TCF20: variants seen among roughly 807,000 people sequenced by gnomAD.
The protein encoded by TCF20 is SPRE-binding protein.
In TCF20, 3 loss-of-function variants were observed where a neutral mutation model predicts 148.6. That is an observed-to-expected ratio of 0.02 (90% CI 0.01 to 0.05). The LOEUF (loss-of-function observed/expected upper bound fraction) is 0.05, where lower values mean the gene tolerates loss of function less well. Among genes scored for constraint, TCF20 ranks in the 10% least tolerant of loss-of-function variants. The probability of loss-of-function intolerance (pLI) is 1.00; values close to 1 mark genes in which losing one functional copy is unlikely to be tolerated. For missense variants in TCF20, 2,350 were observed against 2,429.3 expected, an observed-to-expected ratio of 0.97 and a Z score of 0.69; for synonymous variants, 1,049 against 909.5, an observed-to-expected ratio of 1.15 and a Z score of -2.76.
In TCF20 at chr22:42,160,184, C is replaced by CT. The variant is rs1179626398; in HGVS notation, c.*1218dup. 2.0e-5 allele frequency: 3 copies of CT among 152,408 alleles called. No individual in the cohort carries two copies. The highest frequency in any genetic ancestry group is 4.2e-4 in the South Asian group (2 of 4,812). The allele number at this position is 152,408 out of a possible 1,614,324, so 9.4% of individuals were successfully genotyped here. A position where few individuals can be genotyped will look rare whatever the true frequency, so the allele number is the denominator to read the frequency against. On this transcript the variant is annotated 3_prime_UTR_variant, in exon 6 of 6. Transcript: ENST00000677622. ...TAACAAGATTTTTTTGTACTTTTTTCTTTTTTTAAAACTCAGATATTTAAA... is the reference window on the plus strand; with the variant it reads ...TAACAAGATTTTTTTGTACTTTTTTCTTTTTTTTAAAACTCAGATATTTAAA...
chr22:42,242,659 C>T (rs912701215), intron 1 of TCF20, among the ~76,000 whole-genome samples: 3 of 151,744 alleles, frequency 2.0e-5, no homozygotes, highest in South Asian at 2.1e-4. Context: ...GGCTGAGGCA[C>T]GCGGATCACC....
chr22:42,168,559 G>A lies in TCF20; in HGVS notation c.*44+50C>T, dbSNP rs143233579. The stretch of plus-strand genomic sequence containing the variant: ...CGAGCAGGAGGGCAGAGGCAACGAC[G>A]CCTGCTGGGAGCCGGGCAGGATGCA... On this transcript the variant is annotated intron_variant, in intron 5 of 5. Transcript: ENST00000677622. The A allele has an allele frequency of 7.4e-3, 11,362 of 1,535,558 alleles. 48 individuals carry two copies. The highest frequency in any genetic ancestry group is 8.8e-3 in the Non-Finnish European group (10,055 of 1,145,558).
intron 1 of TCF20, among the ~76,000 whole-genome samples, chr22:42,251,248 G>A (rs1467590938): frequency 2.0e-5 from 3 of 152,054 alleles, no homozygotes; most frequent in Admixed American, 1.3e-4. Flanking sequence ...CCCAGACAGC[G>A]CCATCACAGC....
chr22:42,239,985 T>C lies in TCF20; in HGVS notation c.-36-24644A>G, dbSNP rs143685547. 7.9e-5 allele frequency among the ~76,000 whole-genome samples: 12 copies of C among 151,978 alleles called. No homozygotes were observed. The East Asian group carries it at 2.3e-3, about 29-fold the overall frequency. ...ATCCCACAATATCTGTGAAGTACAA[T>C]AAAGTAGAATGCAATAAAATGAGGT... On this transcript the variant is annotated intron_variant, in intron 1 of 5. Coordinates refer to ENST00000677622, the MANE Select transcript of TCF20 (RefSeq NM_001378418.1).
chr22:42,311,312 C>T (rs1044509294), intron 1 of TCF20, among the ~76,000 whole-genome samples: 1 of 152,238 alleles, frequency 6.6e-6, no homozygotes. Flanking sequence ...AGGCCTTTCC[C>T]AAGGGGACTG....
intron 1 of TCF20, among the ~76,000 whole-genome samples, chr22:42,315,133 G>T (rs1438821905): frequency 6.6e-6 from 1 of 152,102 alleles, no homozygotes; most frequent in Non-Finnish European, 1.5e-5. Flanking sequence ...GCAGACAGGA[G>T]GCTGTGGACA....
At chr22:42,331,474 C>G (rs966783482) in intron 1 of TCF20, among the ~76,000 whole-genome samples, 1 of 152,248 alleles carries the variant, frequency 6.6e-6, no homozygotes, top group African/African-American at 2.4e-5. Flanking sequence ...TTAAGTCAGA[C>G]AGGAACCCAG....
At chr22:42,335,534 G>T (rs4822112) in intron 1 of TCF20, among the ~76,000 whole-genome samples, 134,242 of 152,214 alleles carry the variant, frequency 0.88, 59,542 homozygotes, top group African/African-American at 0.97. Context: ...CCTTATTAAG[G>T]GACTGCATTT....
chr22:42,309,455 G>A (rs919787775), intron 1 of TCF20, among the ~76,000 whole-genome samples: 3 of 151,742 alleles, frequency 2.0e-5, no homozygotes, highest in East Asian at 1.9e-4. Flanking sequence ...GGGCCTCCGC[G>A]CTCTGGCCTG....
intron 1 of TCF20, among the ~76,000 whole-genome samples, chr22:42,309,346 G>A (rs996868878): frequency 2.0e-5 from 3 of 152,012 alleles, no homozygotes; most frequent in Admixed American, 6.6e-5. Context: ...CAAGCAGGAC[G>A]GGGGACTACA....
intron 1 of TCF20, among the ~76,000 whole-genome samples, chr22:42,308,936 C>T (rs1269399406): frequency 2.0e-5 from 3 of 152,100 alleles, no homozygotes; most frequent in Non-Finnish European, 2.9e-5. Flanking sequence ...GTGGGTGAAA[C>T]GGGCTGGGAT....
At chr22:42,327,807 G>A (rs1350990884) in intron 1 of TCF20, among the ~76,000 whole-genome samples, 2 of 151,098 alleles carry the variant, frequency 1.3e-5, no homozygotes, top group African/African-American at 4.9e-5. Flanking sequence ...AGAGGGCCCA[G>A]CTCATCAGGC....
intron 3 of TCF20, among the ~76,000 whole-genome samples, chr22:42,177,529 G>C (rs1162982761): frequency 6.6e-6 from 1 of 152,186 alleles, no homozygotes; most frequent in African/African-American, 2.4e-5. Flanking sequence ...TAAGAAAGGT[G>C]ATTTTCCCAG....
In TCF20 at chr22:42,338,607, G is replaced by A. The variant is rs982026749; in HGVS notation, c.-37+4872C>T. On this transcript the variant is annotated intron_variant, in intron 1 of 1. Coordinates refer to the TCF20 transcript ENST00000515426. This position sits in a 1 kb window ranked among gnomAD's most constrained non-coding sequence, Gnocchi z 4.0. ...AGAGGCTTAATGAAACTGCTAACGC[G>A]TTAGTGATTCCTGCCTGCTCGGGAA... 3.3e-5 allele frequency among the ~76,000 whole-genome samples: 5 copies of A among 152,222 alleles called. No individual in the cohort carries two copies. The highest frequency in any genetic ancestry group is 2.1e-4 in the South Asian group (1 of 4,834).
intron 2 of TCF20, among the ~76,000 whole-genome samples, chr22:42,200,924 C>T (rs949143279): frequency 1.3e-5 from 2 of 152,174 alleles, no homozygotes; most frequent in Non-Finnish European, 2.9e-5. Flanking sequence ...CCTTCAAATA[C>T]AATAGATCCC....
In TCF20 at chr22:42,213,457, C is replaced by A. The variant is rs145873989; in HGVS notation, c.1849G>T (p.Val617Leu). The A allele has an allele frequency of 1.2e-6, 2 of 1,614,186 alleles. No individual in the cohort carries two copies. The highest frequency in any genetic ancestry group is 1.7e-6 in the Non-Finnish European group (2 of 1,180,038). Residue 617 changes from valine to leucine, a missense_variant, in exon 2 of 6, where the codon GTA becomes TTA. Physicochemically the swap from Val to Leu is conservative, Grantham distance 32. This residue lies in a region of TCF20 where 1,641 missense variants were observed against 1,662.6 expected (regional missense o/e 0.99). Transcript: ENST00000677622. ...TTATCTTGTCCACCAGGCTTTTCTA[C>A]CCGACCTGTCATGGCTTCCCGGGAG... is the stretch of plus-strand genomic sequence containing the variant. ...IVSREAMTGR[V>L]EKPGGQDKGS...
intron 1 of TCF20, among the ~76,000 whole-genome samples, chr22:42,236,797 T>C (rs1923929280): frequency 6.6e-6 from 1 of 152,252 alleles, no homozygotes; most frequent in African/African-American, 2.4e-5. Flanking sequence ...TTTCTGGTTT[T>C]CCAGCACATA....
At chr22:42,294,599 G>T (rs1927197116) in intron 1 of TCF20, among the ~76,000 whole-genome samples, 2 of 152,178 alleles carry the variant, frequency 1.3e-5, no homozygotes, top group Admixed American at 1.3e-4. Flanking sequence ...GCGGTCACAA[G>T]GATTTAGGAC....
At chr22:42,205,016 A>G (rs1249877020) in intron 2 of TCF20, among the ~76,000 whole-genome samples, 1 of 152,202 alleles carries the variant, frequency 6.6e-6, no homozygotes, top group East Asian at 1.9e-4. Flanking sequence ...TAGTAGGGCT[A>G]TCCAGCCTCA....
Sources: allele counts gnomAD v4.1 joint callset (sites outside exome capture counted in the v4.1 genomes callset), GRCh38; gene constraint gnomAD v4.1.1; regional missense constraint gnomAD v4.1.1; non-coding constraint Gnocchi (gnomAD v3.1); transcripts MANE v1.5; gene names NCBI Gene and HGNC (gene_info 2026-07-23, HGNC 2026-07-21).